KCMF1: variants seen among roughly 807,000 people sequenced by gnomAD.
The protein encoded by KCMF1 is E3 ubiquitin-protein ligase KCMF1.
A neutral mutation model predicts 41.1 loss-of-function variants in KCMF1; 3 were observed. The ratio of observed to expected loss-of-function variants is 0.07; its 90% CI spans 0.03 to 0.19. The LOEUF is 0.19. Among genes scored for constraint, KCMF1 ranks in the 10% least tolerant of loss-of-function variants. The pLI is 1.00. For missense variants in KCMF1, 286 were observed against 488.9 expected (o/e 0.58, Z 3.91); for synonymous variants, 142 against 164.5 (o/e 0.86, Z 1.04).
At chr2:84,987,713 A>G (rs1019718583) in intron 1 of KCMF1, among the ~76,000 whole-genome samples, 2 of 152,208 alleles carry the variant, frequency 1.3e-5, no homozygotes, top group Admixed American at 1.3e-4. Context: ...AGCCTTCTTT[A>G]CTGAAGCCTG....
At chr2:84,998,446 A>C (rs1674229508) in intron 1 of KCMF1, among the ~76,000 whole-genome samples, 1 of 152,122 alleles carries the variant, frequency 6.6e-6, no homozygotes, top group Non-Finnish European at 1.5e-5. Flanking sequence ...GGAAACAAAC[A>C]CTTTATAAAA....
At chr2:84,987,744 G>A (rs961746406) in intron 1 of KCMF1, among the ~76,000 whole-genome samples, 13 of 152,168 alleles carry the variant, frequency 8.5e-5, no homozygotes, top group African/African-American at 3.1e-4. Context: ...AGATTTCTAA[G>A]GATGAAAGCA....
chr2:85,039,183 A>G (rs1423022016), intron 3 of KCMF1, among the ~76,000 whole-genome samples: 1 of 152,264 alleles, frequency 6.6e-6, no homozygotes, highest in Non-Finnish European at 1.5e-5. Context: ...TAACAAAATT[A>G]TATAATATAA....
At chr2:84,983,394 G>A (rs571084015) in intron 1 of KCMF1, among the ~76,000 whole-genome samples, 20 of 151,502 alleles carry the variant, frequency 1.3e-4, no homozygotes, top group African/African-American at 4.6e-4. Context: ...GGGTGTGATC[G>A]TACCTCACTG....
chr2:85,046,946 C>G (rs1175640778), intron 5 of KCMF1, among the ~76,000 whole-genome samples: 3 of 152,092 alleles, frequency 2.0e-5, no homozygotes, highest in Non-Finnish European at 2.9e-5. Flanking sequence ...TAGATTTACT[C>G]TATTTTGTTG....
At chr2:84,972,605 G>A (rs1388148309) in intron 1 of KCMF1, among the ~76,000 whole-genome samples, 2 of 152,206 alleles carry the variant, frequency 1.3e-5, no homozygotes, top group Non-Finnish European at 2.9e-5. Context: ...AGGTGATGTA[G>A]GAGTGGAGAA....
chr2:85,012,701 C>T lies in KCMF1; in HGVS notation c.17-15188C>T, dbSNP rs141894815. Among the ~76,000 whole-genome samples, 380 of 152,322 alleles carry T rather than the reference C, an allele frequency of 2.5e-3. 3 individuals carry two copies. Among genetic ancestry groups the T allele is most frequent in the African/African-American group, 8.9e-3 (369 of 41,580 alleles). The stretch of plus-strand genomic sequence containing the variant: ...AGACATAAACCACAACTCTTTTCCG[C>T]CAGTGCTAGAGTATTCTCTATACTT... On this transcript the variant is annotated intron_variant, in intron 1 of 6. Coordinates refer to ENST00000409785, the MANE Select transcript of KCMF1 (RefSeq NM_020122.5).
intron 1 of KCMF1, among the ~76,000 whole-genome samples, chr2:85,018,267 ATTT>A (rs373718008): frequency 5.5e-5 from 7 of 126,880 alleles, no homozygotes; most frequent in African/African-American, 8.7e-5. Context: ...ACTAAGCTAG[ATTT>A]TTTTTTTTTT....
At chr2:85,010,846 C>CTTTTT (rs1285447116) in intron 1 of KCMF1, among the ~76,000 whole-genome samples, 1 of 140,624 alleles carries the variant, frequency 7.1e-6, no homozygotes, top group Non-Finnish European at 1.6e-5. Context: ...TAATCTATTA[C>CTTTTT]TTTTTTTTTT....
intron 5 of KCMF1, 107 bp downstream of exon 5, chr2:85,046,385 T>TG: frequency 1.5e-5 from 12 of 792,130 alleles, no homozygotes; most frequent in Non-Finnish European, 2.0e-5. Flanking sequence ...ATCCCAGCAC[T>TG]CTGGGAGGCT....
intron 1 of KCMF1, among the ~76,000 whole-genome samples, chr2:85,005,305 T>C (rs1674440878): frequency 6.6e-6 from 1 of 151,940 alleles, no homozygotes; most frequent in Non-Finnish European, 1.5e-5. Context: ...TATTTTTTTT[T>C]TGAGACAGAG....
At chr2:84,998,078 G>A (rs867668197) in intron 1 of KCMF1, among the ~76,000 whole-genome samples, 3 of 151,316 alleles carry the variant, frequency 2.0e-5, no homozygotes, top group Non-Finnish European at 4.4e-5. Context: ...CAGCCAAAAA[G>A]TACATTTTAC....
At chr2:85,030,138 A>G (rs1001372766) in intron 2 of KCMF1, among the ~76,000 whole-genome samples, 1 of 152,138 alleles carries the variant, frequency 6.6e-6, no homozygotes, top group Non-Finnish European at 1.5e-5. Flanking sequence ...GGCCATTTGT[A>G]TATCTACTTT....
chr2:85,028,563 C>G (rs866052054), intron 2 of KCMF1, among the ~76,000 whole-genome samples: 3 of 140,720 alleles, frequency 2.1e-5, no homozygotes, highest in Non-Finnish European at 4.5e-5. Flanking sequence ...GATCTCAGCT[C>G]GCTGCAACCT....
At chr2:85,036,180 G>T (rs1250226102) in intron 3 of KCMF1, among the ~76,000 whole-genome samples, 1 of 152,148 alleles carries the variant, frequency 6.6e-6, no homozygotes, top group African/African-American at 2.4e-5. Flanking sequence ...TCAAACAGTA[G>T]GTAAATTTAT....
intron 1 of KCMF1, among the ~76,000 whole-genome samples, chr2:84,993,721 A>T (rs868226619): frequency 6.6e-6 from 1 of 151,328 alleles, no homozygotes; most frequent in Non-Finnish European, 1.5e-5. Context: ...GATTACAGGC[A>T]TGCGCCACCG....
intron 1 of KCMF1, among the ~76,000 whole-genome samples, chr2:85,012,841 G>A (rs1435436320): frequency 6.6e-6 from 1 of 152,174 alleles, no homozygotes; most frequent in Non-Finnish European, 1.5e-5. Flanking sequence ...AACAGTTGAC[G>A]GTAGGATTTT....
At chr2:84,984,292 G>A (rs568655700) in intron 1 of KCMF1, among the ~76,000 whole-genome samples, 1 of 151,924 alleles carries the variant, frequency 6.6e-6, no homozygotes, top group Admixed American at 6.6e-5. Context: ...GTAGGGATGG[G>A]GTCTTGCTGT....
chr2:85,039,639 CTG>C (rs1675477763), intron 3 of KCMF1, among the ~76,000 whole-genome samples: 1 of 152,090 alleles, frequency 6.6e-6, no homozygotes, highest in Non-Finnish European at 1.5e-5. Context: ...AATGGAGACT[CTG>C]TACGTTCTTG....
Sources: allele counts gnomAD v4.1 joint callset (sites outside exome capture counted in the v4.1 genomes callset), GRCh38; gene constraint gnomAD v4.1.1; transcripts MANE v1.5; gene names NCBI Gene and HGNC (gene_info 2026-07-23, HGNC 2026-07-21).